LRRC7: variants seen among roughly 807,000 people sequenced by gnomAD.
The protein encoded by LRRC7 is leucine rich repeat containing 7.
LRRC7 carries 23 observed loss-of-function variants against 175.7 expected under a neutral mutation model. The observed-to-expected ratio is 0.13, with a 90% CI of 0.09 to 0.19. The LOEUF (loss-of-function observed/expected upper bound fraction) is 0.19. Ranked by LOEUF, LRRC7 falls within the 10% of genes least tolerant of loss-of-function variation. The pLI, the probability that LRRC7 is intolerant of heterozygous loss-of-function variation, is 1.00. For missense variants in LRRC7, 1,354 were observed against 1,904.7 expected (o/e 0.71, Z 5.38); for synonymous variants, 685 against 680.9 (o/e 1.01, Z -0.09).
chr1:70,109,085 G>A (rs535574160), intron 26 of LRRC7, among the ~76,000 whole-genome samples: 17 of 152,168 alleles, frequency 1.1e-4, no homozygotes, highest in South Asian at 4.1e-4. Flanking sequence ...GCAATGGCAC[G>A]ATCTCGGCTC....
intron 4 of LRRC7, among the ~76,000 whole-genome samples, chr1:69,816,473 C>T (rs2101174525): frequency 6.6e-6 from 1 of 152,266 alleles, no homozygotes; most frequent in South Asian, 2.1e-4. Context: ...AGTATTTCTT[C>T]TCCAAAAGTT....
At chr1:69,895,257 G>A (rs1031684089) in intron 7 of LRRC7, among the ~76,000 whole-genome samples, 4 of 151,896 alleles carry the variant, frequency 2.6e-5, no homozygotes, top group African/African-American at 9.7e-5. Flanking sequence ...TTAAGAAGGT[G>A]GATCTCACGT....
At position 70,082,781 on chromosome 1, in the gene LRRC7, ATTTTTTTTTTT is replaced by A. The variant is rs1172403797; in HGVS notation, c.4452+6504_4452+6514del. Among the ~76,000 whole-genome samples the A allele has an allele frequency of 3.1e-4, 16 of 52,306 alleles. No homozygotes were observed. In the South Asian group the frequency reaches 3.4e-3, roughly 11 times the overall value. 34.3% of individuals were successfully genotyped at this position (52,306 alleles called of 152,430 possible). On this transcript the variant is annotated intron_variant, in intron 24 of 26. Transcript: ENST00000651989. ...TATTAGTCAATCTTGATACCAGTAC[ATTTTTTTTTTT>A]TTTTTTTTTTTTTTTTTTTTGAGAC...
chr1:69,757,116 C>T (rs986586768), intron 2 of LRRC7, among the ~76,000 whole-genome samples: 21 of 151,840 alleles, frequency 1.4e-4, no homozygotes, highest in South Asian at 1.0e-3. Flanking sequence ...GATTGGTAAA[C>T]GAAAGGTGTG....
intron 7 of LRRC7, among the ~76,000 whole-genome samples, chr1:69,914,495 G>A (rs1378184989): frequency 3.3e-5 from 5 of 152,036 alleles, no homozygotes; most frequent in Non-Finnish European, 7.4e-5. Context: ...CAAAATGACG[G>A]CATTAAGAGC....
intron 7 of LRRC7, among the ~76,000 whole-genome samples, chr1:69,895,137 C>T (rs1645943315): frequency 6.6e-6 from 1 of 152,118 alleles, no homozygotes; most frequent in African/African-American, 2.4e-5. Context: ...GAGGCTGAGG[C>T]AGGTGAATCG....
chr1:69,836,112 A>G (rs956607960), intron 6 of LRRC7, among the ~76,000 whole-genome samples: 1 of 152,026 alleles, frequency 6.6e-6, no homozygotes, highest in Non-Finnish European at 1.5e-5. Context: ...CTTGACACCA[A>G]TCTGTTGACT....
At chr1:69,630,572 CA>C (rs763883204) in intron 1 of LRRC7, among the ~76,000 whole-genome samples, 2 of 152,014 alleles carry the variant, frequency 1.3e-5, no homozygotes, top group African/African-American at 2.4e-5. Flanking sequence ...TTCTGTCAAT[CA>C]TTTTTAATTG....
At chr1:69,775,658 G>A (rs991560267) in intron 3 of LRRC7, among the ~76,000 whole-genome samples, 1 of 152,158 alleles carries the variant, frequency 6.6e-6, no homozygotes, top group Non-Finnish European at 1.5e-5. Context: ...TATAAGGCCA[G>A]GAGTCAGGAT....
chr1:70,060,330 C>T (rs1021496212), intron 23 of LRRC7, among the ~76,000 whole-genome samples: 13 of 151,316 alleles, frequency 8.6e-5, no homozygotes, highest in African/African-American at 3.2e-4. Context: ...AACCCCACCC[C>T]CCCAAAAAAA....
At chr1:69,938,973 G>C (rs1570733841) in intron 8 of LRRC7, among the ~76,000 whole-genome samples, 1 of 136,472 alleles carries the variant, frequency 7.3e-6, no homozygotes, top group South Asian at 2.4e-4. Context: ...TTCTGCATTT[G>C]TAAAGCCACT....
Position 70,137,312 on chromosome 1 carries a change from A to G in LRRC7, c.*15425A>G, listed in dbSNP as rs927718580. Among the ~76,000 whole-genome samples, 5 of 152,180 alleles carry G rather than the reference A, an allele frequency of 3.3e-5. No homozygotes were observed. Among genetic ancestry groups the G allele is most frequent in the African/African-American group, 1.2e-4 (5 of 41,454 alleles). ...ATCAAGGGCAGCTCCTCCTTTCTGGAGGAAGGAACTTCATCTTAAGGCTTG... is the reference window on the plus strand; with the variant it reads ...ATCAAGGGCAGCTCCTCCTTTCTGGGGGAAGGAACTTCATCTTAAGGCTTG... On this transcript the variant is annotated 3_prime_UTR_variant, in exon 27 of 27. Coordinates refer to ENST00000651989, the MANE Select transcript of LRRC7 (RefSeq NM_001370785.2).
In LRRC7 at chr1:69,933,900, G is replaced by T. The variant is rs139891275; in HGVS notation, c.711+2330G>T. Among the ~76,000 whole-genome samples, 596 of 152,212 alleles carry T rather than the reference G, an allele frequency of 3.9e-3. 3 individuals are homozygous for T. The highest frequency in any genetic ancestry group is 0.013 in the African/African-American group (551 of 41,536). On this transcript the variant is annotated intron_variant, in intron 8 of 26. Transcript: ENST00000651989. ...ATTTTGTGTTATGCCAGTATTTCAT[G>T]CCAGGCACAAAATAAGTCTCTTTTT...
At chr1:69,835,747 A>G (rs986993656) in intron 6 of LRRC7, among the ~76,000 whole-genome samples, 6 of 152,018 alleles carry the variant, frequency 3.9e-5, no homozygotes, top group Non-Finnish European at 8.8e-5. Flanking sequence ...TACAATGTGA[A>G]AAAAGTGGAA....
At chr1:69,923,237 T>G (rs1646950033) in intron 7 of LRRC7, among the ~76,000 whole-genome samples, 1 of 152,200 alleles carries the variant, frequency 6.6e-6, no homozygotes, top group South Asian at 2.1e-4. Context: ...TTTGGGTTGG[T>G]TCCAAGTCTT....
intron 1 of LRRC7, among the ~76,000 whole-genome samples, chr1:69,664,869 A>G (rs1252013958): frequency 6.6e-6 from 1 of 152,098 alleles, no homozygotes; most frequent in Non-Finnish European, 1.5e-5. Flanking sequence ...TCTTCAAAAA[A>G]TTTTTGCCCT....
At chr1:69,717,853 G>GAAAAAA (rs1309359434) in intron 2 of LRRC7, among the ~76,000 whole-genome samples, 2 of 15,628 alleles carry the variant, frequency 1.3e-4, no homozygotes, top group Non-Finnish European at 2.2e-4. Context: ...AAGAAAGAAA[G>GAAAAAA]GAAAGAAAGA....
chr1:70,068,758 C>T (rs1227537851), intron 23 of LRRC7, among the ~76,000 whole-genome samples: 1 of 151,986 alleles, frequency 6.6e-6, no homozygotes, highest in Non-Finnish European at 1.5e-5. Flanking sequence ...ATTCTGTTGC[C>T]TAGGCAGGAT....
chr1:69,847,471 A>C (rs1682499152), intron 7 of LRRC7, among the ~76,000 whole-genome samples: 1 of 152,100 alleles, frequency 6.6e-6, no homozygotes, highest in Admixed American at 6.6e-5. Flanking sequence ...TATCAAATGG[A>C]ATATTCACCA....
Sources: gnomAD v4.1 joint callset for allele counts (sites outside exome capture counted in the v4.1 genomes callset) on GRCh38, gnomAD v4.1.1 for gene constraint, MANE v1.5 for transcripts, NCBI Gene and HGNC (gene_info 2026-07-23, HGNC 2026-07-21) for gene names.